CDH19: variants seen among roughly 807,000 people sequenced by gnomAD.
CDH19 encodes cadherin 19.
Under a neutral mutation model 64.2 loss-of-function variants are expected in CDH19, and 67 were observed. The ratio of observed to expected loss-of-function variants is 1.04; its 90% CI spans 0.86 to 1.28. The LOEUF (loss-of-function observed/expected upper bound fraction) is 1.28, where lower values mean the gene tolerates loss of function less well. Ranked by LOEUF, CDH19 falls within the 50% of genes most tolerant of loss-of-function variation. CDH19 has a pLI of 0.00. For synonymous variants in CDH19, 346 were observed against 319.3 expected, an observed-to-expected ratio of 1.08 and a Z score of -0.89; for missense variants, 1,030 against 929.0, an observed-to-expected ratio of 1.11 and a Z score of -1.41.
chr18:66,567,479 C>T (rs1311861848), intron 3 of CDH19, among the ~76,000 whole-genome samples: 3 of 151,766 alleles, frequency 2.0e-5, no homozygotes, highest in Non-Finnish European at 4.4e-5. Context: ...ATATATTACA[C>T]AGGCAAATTT....
chr18:66,576,482 CAT>C (rs1269181515), intron 1 of CDH19, among the ~76,000 whole-genome samples: 47 of 151,432 alleles, frequency 3.1e-4, no homozygotes, highest in South Asian at 2.1e-4. Context: ...AAGTGATAAA[CAT>C]ATCATTTCAT....
intron 9 of CDH19, among the ~76,000 whole-genome samples, chr18:66,515,527 G>A (rs1024832400): frequency 6.6e-6 from 1 of 151,594 alleles, no homozygotes; most frequent in Admixed American, 6.6e-5. Context: ...TGTTCAAAAG[G>A]TCATTATAGC....
chr18:66,565,973 A>G (rs1987894728), intron 3 of CDH19, among the ~76,000 whole-genome samples: 1 of 151,950 alleles, frequency 6.6e-6, no homozygotes, highest in Non-Finnish European at 1.5e-5. Flanking sequence ...GCAATGCACA[A>G]AGAGATTTGT....
intron 1 of CDH19, among the ~76,000 whole-genome samples, chr18:66,599,333 T>C (rs1011714614): frequency 6.6e-6 from 1 of 152,026 alleles, no homozygotes; most frequent in Non-Finnish European, 1.5e-5. Context: ...CATTTTGTCA[T>C]CTTTATGTGG....
intron 3 of CDH19, among the ~76,000 whole-genome samples, chr18:66,563,727 A>G (rs1353172985): frequency 6.6e-6 from 1 of 151,956 alleles, no homozygotes; most frequent in African/African-American, 2.4e-5. Context: ...ATTACTCTAC[A>G]ACCTAAAGTC....
intron 7 of CDH19, among the ~76,000 whole-genome samples, chr18:66,535,658 T>C (rs2144444472): frequency 6.8e-6 from 1 of 146,982 alleles, no homozygotes; most frequent in East Asian, 2.0e-4. Context: ...ACATTATATA[T>C]GATATATATT....
rs922344299 is a variant in CDH19 at position 66,573,023 on chromosome 18, G to T, written c.-112-707C>A. On this transcript the variant is annotated intron_variant, in intron 1 of 11. Coordinates refer to ENST00000262150, the MANE Select transcript of CDH19 (RefSeq NM_021153.4). ...TGTTTGTAATATGTAAGAATGATATGAAATGTATCTTCTAGTATTTAAATA... is the reference window on the plus strand; with the variant it reads ...TGTTTGTAATATGTAAGAATGATATTAAATGTATCTTCTAGTATTTAAATA... 2.6e-5 allele frequency among the ~76,000 whole-genome samples: 4 copies of T among 151,644 alleles called. No homozygotes were observed. In the East Asian group the frequency reaches 5.8e-4, roughly 22 times the overall value.
intron 9 of CDH19, among the ~76,000 whole-genome samples, chr18:66,528,533 T>A (rs1416433075): frequency 6.6e-6 from 1 of 152,166 alleles, no homozygotes; most frequent in East Asian, 1.9e-4. Context: ...TGTATATTTA[T>A]AACAATTCTA....
Position 66,544,697 on chromosome 18 carries a change from C to T in CDH19, c.960+22G>A, listed in dbSNP as rs1987033699. On this transcript the variant is annotated intron_variant, in intron 6 of 11. Transcript: ENST00000262150. ...TTTAATTTTGCGCTATTCTGCAAGG[C>T]AAATAATTTTAACATGTCTACCTTT... The T allele has an allele frequency of 2.6e-6, 4 of 1,539,932 alleles. No individual in the cohort carries two copies. In the East Asian group the frequency reaches 9.1e-5, roughly 35 times the overall value.
chr18:66,603,088 A>G (rs1427010538), intron 1 of CDH19, among the ~76,000 whole-genome samples: 1 of 150,890 alleles, frequency 6.6e-6, no homozygotes, highest in Non-Finnish European at 1.5e-5. Context: ...TAATAGAGCT[A>G]AAATATAAAT....
chr18:66,519,241 C>T (rs1004402317), intron 9 of CDH19, among the ~76,000 whole-genome samples: 1 of 152,176 alleles, frequency 6.6e-6, no homozygotes, highest in African/African-American at 2.4e-5. Context: ...CAATGAACTC[C>T]ATGTTAAGAA....
intron 1 of CDH19, among the ~76,000 whole-genome samples, chr18:66,577,174 T>C (rs1303299966): frequency 1.3e-5 from 2 of 151,778 alleles, no homozygotes; most frequent in Non-Finnish European, 2.9e-5. Context: ...AAAAATACAA[T>C]TAAATTAAAA....
intron 1 of CDH19, among the ~76,000 whole-genome samples, chr18:66,573,725 G>T (rs1274644970): frequency 6.6e-6 from 1 of 151,312 alleles, no homozygotes; most frequent in Non-Finnish European, 1.5e-5. Context: ...TTTATATTAT[G>T]GTATTTTGAT....
At chr18:66,576,440 TATC>T (rs1375428576) in intron 1 of CDH19, among the ~76,000 whole-genome samples, 2 of 151,548 alleles carry the variant, frequency 1.3e-5, no homozygotes, top group African/African-American at 4.8e-5. Flanking sequence ...TGATAAATAA[TATC>T]ATTTCATAAT....
intron 5 of CDH19, among the ~76,000 whole-genome samples, chr18:66,548,753 T>A (rs1987231687): frequency 6.6e-6 from 1 of 152,092 alleles, no homozygotes; most frequent in Non-Finnish European, 1.5e-5. Context: ...TTGGAAACAA[T>A]AAGTATGAAC....
In CDH19 at chr18:66,530,926, A is replaced by T. The variant is rs530817585; in HGVS notation, c.1337-960T>A. ...TGCCCTGGTTGAAATTGGGGGCAGA[A>T]GTGTGGAGCCAAATGGCCTGTAGTG... is the stretch of plus-strand genomic sequence containing the variant. On this transcript the variant is annotated intron_variant, in intron 8 of 11. Transcript: ENST00000262150. Among the ~76,000 whole-genome samples the T allele has an allele frequency of 8.6e-4, 131 of 152,198 alleles. 1 individual carries two copies. The highest frequency in any genetic ancestry group is 3.0e-3 in the African/African-American group (126 of 41,528).
At chr18:66,560,964 C>A (rs1314101203) in intron 3 of CDH19, among the ~76,000 whole-genome samples, 1 of 151,910 alleles carries the variant, frequency 6.6e-6, no homozygotes, top group Admixed American at 6.6e-5. Context: ...TTAATAAAAT[C>A]TTTTTTAGAG....
Position 66,511,640 on chromosome 18 carries a change from C to T in CDH19, c.1504G>A (p.Glu502Lys), listed in dbSNP as rs374199828. 4 of 1,580,546 alleles carry T rather than the reference C, an allele frequency of 2.5e-6. No homozygotes were observed. The highest frequency in any genetic ancestry group is 1.7e-4 in the Middle Eastern group (1 of 5,974). The change falls in exon 10 of 12, where the codon GAG becomes AAG. Residue 502 changes from glutamate (E) to lysine (K), a missense_variant. By Grantham distance (56) the Glu-to-Lys change is moderately conservative (BLOSUM62 1). Coordinates refer to ENST00000262150, the MANE Select transcript of CDH19 (RefSeq NM_021153.4). ...SAVDRDESIE[E>K]HHFYFNLSVE... ...GATAGATTAAAGTAAAAATGGTGCT[C>T]TTCTATGGATTCATCTCTATCCACT... is the stretch of plus-strand genomic sequence containing the variant.
chr18:66,526,995 A>C (rs970544133), intron 9 of CDH19, among the ~76,000 whole-genome samples: 6 of 151,690 alleles, frequency 4.0e-5, no homozygotes, highest in Non-Finnish European at 7.4e-5. Flanking sequence ...AATCAGGGAT[A>C]GTTTCCAAGA....
Sources: gnomAD v4.1 joint callset for allele counts (sites outside exome capture counted in the v4.1 genomes callset) on GRCh38, gnomAD v4.1.1 for gene constraint, MANE v1.5 for transcripts, NCBI Gene and HGNC (gene_info 2026-07-23, HGNC 2026-07-21) for gene names.